The following COMMD10 variants were observed in gnomAD, a reference collection of about 807,000 sequenced individuals.
The protein encoded by COMMD10 is COMM domain-containing protein 10.
In COMMD10, 33 loss-of-function variants were observed where a neutral mutation model predicts 28.9. That is an observed-to-expected ratio of 1.14 (90% confidence interval 0.87 to 1.53). The LOEUF is 1.53. Among genes scored for constraint, COMMD10 ranks in the 40% most tolerant of loss-of-function variants. The pLI is 0.00. For synonymous variants in COMMD10, 110 were observed against 81.7 expected, an observed-to-expected ratio of 1.35 and a Z score of -1.87; for missense variants, 310 against 233.4, an observed-to-expected ratio of 1.33 and a Z score of -2.14.
rs114563587 is a variant in COMMD10, at chr5:116,238,985, C to A, written c.511-52532C>A. Among the ~76,000 whole-genome samples, 1,164 of 152,194 alleles carry A rather than the reference C, an allele frequency of 7.6e-3. 24 individuals are homozygous for A. Among genetic ancestry groups the A allele is most frequent in the African/African-American group, 0.027 (1,119 of 41,482 alleles). ...TTCTCCAAGATTAAAGCAATTCTAGCATAGTAGCAGCATGCTGCATCAACA... is the reference window on the plus strand; with the variant it reads ...TTCTCCAAGATTAAAGCAATTCTAGAATAGTAGCAGCATGCTGCATCAACA... On this transcript the variant is annotated intron_variant, in intron 5 of 6. Coordinates refer to ENST00000274458, the MANE Select transcript of COMMD10 (RefSeq NM_016144.4).
chr5:116,168,053 C>G (rs538154368), intron 5 of COMMD10, among the ~76,000 whole-genome samples: 34 of 148,108 alleles, frequency 2.3e-4, no homozygotes, highest in South Asian at 1.3e-3. Flanking sequence ...TGGATAGAGT[C>G]AAGACCCATT....
chr5:116,120,298 A>G (rs1311638801), intron 4 of COMMD10, among the ~76,000 whole-genome samples: 3 of 152,056 alleles, frequency 2.0e-5, no homozygotes, highest in Non-Finnish European at 4.4e-5. Context: ...GAGCTAAGCT[A>G]TGAGGTTGTG....
intron 5 of COMMD10, among the ~76,000 whole-genome samples, chr5:116,249,609 C>G (rs1580582101): frequency 6.6e-6 from 1 of 151,868 alleles, no homozygotes; most frequent in Admixed American, 6.6e-5. Context: ...TTATGGGTTA[C>G]AAACATTTGA....
intron 3 of COMMD10, 112 bp downstream of exon 3, chr5:116,091,301 G>T: frequency 2.0e-6 from 1 of 491,818 alleles, no homozygotes; most frequent in Non-Finnish European, 3.6e-6. Context: ...CAAGATGGAA[G>T]CTGTGAATGT....
chr5:116,129,787 T>C (rs894340172), intron 4 of COMMD10, among the ~76,000 whole-genome samples: 1 of 133,790 alleles, frequency 7.5e-6, no homozygotes, highest in Non-Finnish European at 1.6e-5. Flanking sequence ...TTAGTATATA[T>C]ATACTATATA....
Position 116,129,713 on chromosome 5 carries a change from A to AATATACATTAGTG in COMMD10, c.400-4355_400-4354insATATACATTAGTG, listed in dbSNP as rs1751799683. ...TATACTATGTAATATACATTAGTGTATATATATACTATATACTATGTGATA... is the reference window on the plus strand; with the variant it reads ...TATACTATGTAATATACATTAGTGTAATATACATTAGTGTATATATACTATATACTATGTGATA... On this transcript the variant is annotated intron_variant, in intron 4 of 6. Coordinates refer to ENST00000274458, the MANE Select transcript of COMMD10 (RefSeq NM_016144.4). Among the ~76,000 whole-genome samples the AATATACATTAGTG allele has an allele frequency of 2.9e-5, 2 of 69,126 alleles. 1 individual carries two copies. The highest frequency in any genetic ancestry group is 5.6e-5 in the Non-Finnish European group (2 of 35,846). 45.3% of individuals were successfully genotyped at this position (69,126 alleles called of 152,430 possible). A position where few individuals can be genotyped will look rare whatever the true frequency, so the allele number is the denominator to read the frequency against.
intron 5 of COMMD10, among the ~76,000 whole-genome samples, chr5:116,285,890 G>A (rs1258044066): frequency 6.6e-6 from 1 of 151,716 alleles, no homozygotes; most frequent in East Asian, 1.9e-4. Flanking sequence ...GAATAAGCTT[G>A]GAAGTATCTC....
rs13355348 is a variant in COMMD10, at chr5:116,258,889, T to G, written c.511-32628T>G. On this transcript the variant is annotated intron_variant, in intron 5 of 6. Transcript: ENST00000274458. ...GGGAAATTTTCTTCTTTCATTTCTG[T>G]GATTGCTTTTTCTACTCAGTTCCGT... Among the ~76,000 whole-genome samples, 1,160 of 151,728 alleles carry G rather than the reference T, an allele frequency of 7.6e-3. 44 individuals carry two copies. The highest frequency in any genetic ancestry group is 0.027 in the African/African-American group (1,092 of 41,174).
At chr5:116,270,251 A>G (rs1408412367) in intron 5 of COMMD10, among the ~76,000 whole-genome samples, 1 of 151,954 alleles carries the variant, frequency 6.6e-6, no homozygotes, top group Non-Finnish European at 1.5e-5. Flanking sequence ...ATACATTGTT[A>G]CAGCTGGGTG....
At chr5:116,260,709 T>C (rs1248872183) in intron 5 of COMMD10, among the ~76,000 whole-genome samples, 1 of 151,824 alleles carries the variant, frequency 6.6e-6, no homozygotes, top group East Asian at 1.9e-4. Context: ...CAGAGATTTG[T>C]TTATAACTTC....
chr5:116,208,359 A>G (rs1748871892), intron 5 of COMMD10, among the ~76,000 whole-genome samples: 1 of 152,216 alleles, frequency 6.6e-6, no homozygotes, highest in South Asian at 2.1e-4. Context: ...CTGTAAGTCC[A>G]TCACTTCTTG....
intron 4 of COMMD10, among the ~76,000 whole-genome samples, chr5:116,105,075 A>G (rs13179593): frequency 0.51 from 78,190 of 152,050 alleles, 22,374 homozygotes; most frequent in Non-Finnish European, 0.66. Flanking sequence ...CCCATACAGT[A>G]TGATATTGGT....
At chr5:116,234,288 C>G (rs774015282) in intron 5 of COMMD10, among the ~76,000 whole-genome samples, 3 of 152,154 alleles carry the variant, frequency 2.0e-5, no homozygotes, top group Non-Finnish European at 2.9e-5. Context: ...ACACCTATGT[C>G]AATCAACTAG....
chr5:116,193,357 T>C (rs1748422115), intron 5 of COMMD10, among the ~76,000 whole-genome samples: 1 of 152,208 alleles, frequency 6.6e-6, no homozygotes, highest in Non-Finnish European at 1.5e-5. Context: ...AATGTTCCAC[T>C]TAAAAGATAC....
intron 5 of COMMD10, among the ~76,000 whole-genome samples, chr5:116,151,522 C>T (rs1024307192): frequency 1.3e-5 from 2 of 152,150 alleles, no homozygotes; most frequent in African/African-American, 2.4e-5. Context: ...TTGATTATTG[C>T]CACAATTTCA....
rs1001188724 is a variant in COMMD10 at position 116,259,316 on chromosome 5, G to C, written c.511-32201G>C. Among the ~76,000 whole-genome samples the C allele has an allele frequency of 1.1e-4, 17 of 151,146 alleles. 1 individual carries two copies. Among genetic ancestry groups the C allele is most frequent in the Admixed American group, 1.1e-3 (17 of 15,142 alleles). On this transcript the variant is annotated intron_variant, in intron 5 of 6. Transcript: ENST00000274458. ...TTTAATTTTTCATTTTCTTTTTTAA[G>C]GCTTTGTATTGTCATTATTTTGTTA...
At position 116,149,953 on chromosome 5, in the gene COMMD10, T is replaced by A. The variant is rs1389178245; in HGVS notation, c.510+15775T>A. 3.3e-5 allele frequency among the ~76,000 whole-genome samples: 5 copies of A among 152,236 alleles called. No homozygotes were observed. In the South Asian group the frequency reaches 8.3e-4, roughly 25 times the overall value. On this transcript the variant is annotated intron_variant, in intron 5 of 6. Coordinates refer to ENST00000274458, the MANE Select transcript of COMMD10 (RefSeq NM_016144.4). ...GCCCATGCCTATGTCCTGAATGGTA[T>A]TGCCTAGGTTTTCTTCTAAGGTTTT...
chr5:116,246,297 A>G (rs924764639), intron 5 of COMMD10, among the ~76,000 whole-genome samples: 10 of 152,140 alleles, frequency 6.6e-5, no homozygotes, highest in Non-Finnish European at 1.3e-4. Flanking sequence ...ATATCTCTAC[A>G]AGAAAAACTA....
chr5:116,203,157 GAATGA>G (rs1748715840), intron 5 of COMMD10, among the ~76,000 whole-genome samples: 1 of 152,008 alleles, frequency 6.6e-6, no homozygotes, highest in Non-Finnish European at 1.5e-5. Context: ...CTTTCCCTAT[GAATGA>G]AATGAAGCGA....
Sources: gnomAD v4.1 joint callset for allele counts (sites outside exome capture counted in the v4.1 genomes callset) on GRCh38, gnomAD v4.1.1 for gene constraint, MANE v1.5 for transcripts, NCBI Gene and HGNC (gene_info 2026-07-23, HGNC 2026-07-21) for gene names.